Variants in ARHGAP42 observed in about 807,000 individuals in gnomAD.
The protein encoded by ARHGAP42 is Rho GTPase activating protein 42, also known as rho GTPase-activating protein 42.
In ARHGAP42, 63 loss-of-function variants were observed where a neutral mutation model predicts 125.0. That is an observed-to-expected ratio of 0.50 (90% CI 0.41 to 0.62). The LOEUF is 0.62. ARHGAP42 is among the 20% of genes least tolerant of loss of function. The pLI is 0.00. For missense variants in ARHGAP42, 766 were observed against 1,024.2 expected (o/e 0.75, Z 3.44); for synonymous variants, 339 against 351.0 (o/e 0.97, Z 0.38).
chr11:100,751,092 C>G (rs181019635), intron 1 of ARHGAP42, among the ~76,000 whole-genome samples: 99 of 151,812 alleles, frequency 6.5e-4, no homozygotes, highest in Non-Finnish European at 1.2e-3. Context: ...GGGCCTGCCA[C>G]CACGCCTGGC....
chr11:100,837,550 G>T (rs1864820963), intron 3 of ARHGAP42, among the ~76,000 whole-genome samples: 1 of 151,942 alleles, frequency 6.6e-6, no homozygotes, highest in Non-Finnish European at 1.5e-5. Flanking sequence ...TGCCTGCAAG[G>T]TGGTCAGGGC....
At chr11:100,689,931 G>A (rs1419781800) in intron 1 of ARHGAP42, among the ~76,000 whole-genome samples, 1 of 152,102 alleles carries the variant, frequency 6.6e-6, no homozygotes, top group Non-Finnish European at 1.5e-5. Context: ...GATGCTCTGA[G>A]GCTGGGCTGC....
At chr11:100,824,963 T>C (rs920371441) in intron 3 of ARHGAP42, among the ~76,000 whole-genome samples, 1 of 152,188 alleles carries the variant, frequency 6.6e-6, no homozygotes, top group Admixed American at 6.5e-5. Flanking sequence ...TGAGTGAATG[T>C]TTTTATAAAC....
At chr11:100,699,134 C>T (rs76539339) in intron 1 of ARHGAP42, among the ~76,000 whole-genome samples, 3,867 of 152,148 alleles carry the variant, frequency 0.025, 54 homozygotes, top group Middle Eastern at 0.068. Context: ...TTTTCCTAAA[C>T]TTTGGGCCCG....
chr11:100,727,457 G>T (rs1861880643), intron 1 of ARHGAP42, among the ~76,000 whole-genome samples: 6 of 152,274 alleles, frequency 3.9e-5, no homozygotes, highest in Admixed American at 3.3e-4. Context: ...AACTCTTGGT[G>T]CCCTTCTGGA....
chr11:100,976,764 T>C, intron 20 of ARHGAP42, 51 bp from the exon 21 acceptor site: 1 of 1,541,440 alleles, frequency 6.5e-7, no homozygotes. Context: ...GTGTTATTGC[T>C]ATTATGTTGT....
intron 3 of ARHGAP42, among the ~76,000 whole-genome samples, chr11:100,846,596 T>C (rs1315459690): frequency 6.6e-6 from 1 of 152,088 alleles, no homozygotes; most frequent in East Asian, 1.9e-4. Flanking sequence ...CTCTCATCTT[T>C]GGGGGATACA....
intron 1 of ARHGAP42, among the ~76,000 whole-genome samples, chr11:100,726,706 C>T (rs36007064): frequency 0.021 from 3,228 of 152,184 alleles, 52 homozygotes; most frequent in Middle Eastern, 0.048. Context: ...TTATAGAATC[C>T]CACTAGGGAA....
chr11:100,841,696 T>C (rs1428399233), intron 3 of ARHGAP42, among the ~76,000 whole-genome samples: 1 of 152,136 alleles, frequency 6.6e-6, no homozygotes, highest in Non-Finnish European at 1.5e-5. Context: ...CAATATGTCT[T>C]ACGGCATTGG....
At chr11:100,903,744 A>ATC (rs1339971868) in intron 4 of ARHGAP42, among the ~76,000 whole-genome samples, 64 of 114,000 alleles carry the variant, frequency 5.6e-4, no homozygotes, top group Non-Finnish European at 9.4e-4. Flanking sequence ...ATATATATAT[A>ATC]TATATATATA....
chr11:100,829,302 G>C (rs922908709), intron 3 of ARHGAP42, among the ~76,000 whole-genome samples: 1 of 151,756 alleles, frequency 6.6e-6, no homozygotes, highest in Non-Finnish European at 1.5e-5. Context: ...TGAGGCTGCA[G>C]CGAGCTAGGA....
intron 4 of ARHGAP42, among the ~76,000 whole-genome samples, chr11:100,871,546 A>T (rs1476994667): frequency 1.1e-4 from 4 of 35,072 alleles, no homozygotes; most frequent in Non-Finnish European, 2.8e-4. Flanking sequence ...ACTGTTTCTT[A>T]AAAAAAAAAA....
At chr11:100,733,605 C>G (rs968822798) in intron 1 of ARHGAP42, among the ~76,000 whole-genome samples, 2 of 151,982 alleles carry the variant, frequency 1.3e-5, no homozygotes, top group African/African-American at 2.4e-5. Flanking sequence ...GGGCAGATCA[C>G]CTGAGGTCAG....
At chr11:100,950,239 A>T (rs932304682) in intron 12 of ARHGAP42, among the ~76,000 whole-genome samples, 1 of 146,740 alleles carries the variant, frequency 6.8e-6, no homozygotes, top group East Asian at 2.0e-4. Flanking sequence ...TCAATTATTT[A>T]TATAAAATAT....
chr11:100,980,559 C>CTTCTTTTTTTTTTTTTTTTTTT lies in ARHGAP42; in HGVS notation c.2456+1512_2456+1513insCTTTTTTTTTTTTTTTTTTTTT. ...TCAAATCATACTTCTTTTTCTTCTT[C>CTTCTTTTTTTTTTTTTTTTTTT]TTTTTTTTTTTTTTTTTTTTTTTTT... On this transcript the variant is annotated intron_variant, in intron 22 of 23. Transcript: ENST00000298815. Among the ~76,000 whole-genome samples, 59 of 51,942 alleles carry CTTCTTTTTTTTTTTTTTTTTTT rather than the reference C, an allele frequency of 1.1e-3. 11 individuals carry two copies. Among genetic ancestry groups the CTTCTTTTTTTTTTTTTTTTTTT allele is most frequent in the Non-Finnish European group, 1.7e-3 (43 of 26,012 alleles). The allele number at this position is 51,942 out of a possible 152,430, so 34.1% of individuals were successfully genotyped here.
At chr11:100,903,276 A>T (rs969983530) in intron 4 of ARHGAP42, among the ~76,000 whole-genome samples, 9 of 152,136 alleles carry the variant, frequency 5.9e-5, no homozygotes, top group Non-Finnish European at 1.3e-4. Context: ...TACCTTAGGA[A>T]TAAGAAAAAA....
In ARHGAP42 at chr11:100,687,573, C is replaced by A; in HGVS notation, c.-106C>A. On this transcript the variant is annotated 5_prime_UTR_variant, in exon 1 of 24. Coordinates refer to ENST00000298815, the MANE Select transcript of ARHGAP42 (RefSeq NM_152432.4). The stretch of plus-strand genomic sequence containing the variant: ...AATCAGTCCCCTCGCGTCCCGGCGC[C>A]TTCCCCGCGATCGCGCGACCCCAGC... 1.1e-6 allele frequency: 1 copy of A among 940,198 alleles called. No homozygotes were observed. The highest frequency in any genetic ancestry group is 1.3e-6 in the Non-Finnish European group (1 of 744,840). 58.2% of individuals were successfully genotyped at this position (940,198 alleles called of 1,614,324 possible).
chr11:100,932,234 A>G (rs944524562), intron 6 of ARHGAP42, among the ~76,000 whole-genome samples: 2 of 152,160 alleles, frequency 1.3e-5, no homozygotes, highest in Admixed American at 6.5e-5. Context: ...TGTTATTTAC[A>G]TGAGAAAATG....
At chr11:100,949,785 G>A in intron 11 of ARHGAP42, 132 bp from the exon 12 acceptor site, 1 of 474,660 alleles carries the variant, frequency 2.1e-6, no homozygotes, top group Non-Finnish European at 3.6e-6. Flanking sequence ...AGGTGGTGCT[G>A]TGGACACAGC....
Sources: gnomAD v4.1 joint callset for allele counts (sites outside exome capture counted in the v4.1 genomes callset) on GRCh38, gnomAD v4.1.1 for gene constraint, MANE v1.5 for transcripts, NCBI Gene and HGNC (gene_info 2026-07-23, HGNC 2026-07-21) for gene names.